The following ARFGAP1 variants were observed in gnomAD, a reference collection of about 807,000 sequenced individuals.
ARFGAP1 encodes the protein ADP-ribosylation factor GTPase-activating protein 1.
ARFGAP1 carries 26 observed loss-of-function variants against 54.0 expected under a neutral mutation model. That is an observed-to-expected ratio of 0.48 (90% CI 0.35 to 0.67). ARFGAP1 has a LOEUF of 0.67. ARFGAP1 is among the 30% of genes least tolerant of loss of function. ARFGAP1 has a pLI of 0.00. For synonymous variants in ARFGAP1, 248 were observed against 211.9 expected (o/e 1.17, Z -1.48); for missense variants, 525 against 535.8 (o/e 0.98, Z 0.20).
At position 63,275,566 on chromosome 20, in the gene ARFGAP1, C is replaced by G. The variant is rs1444602450; in HGVS notation, c.-4-11C>G. On this transcript the variant is annotated splice_polypyrimidine_tract_variant and intron_variant, in intron 1 of 12. Transcript: ENST00000370283. Reference sequence around the variant, plus strand: ...TTGTAAGTTTAAAGTGTTTATTTTTCTCCTTTGCAGCATCATGGCCAGCCC... The same window carrying G: ...TTGTAAGTTTAAAGTGTTTATTTTTGTCCTTTGCAGCATCATGGCCAGCCC... 4 of 1,613,462 alleles carry G rather than the reference C, an allele frequency of 2.5e-6. No homozygotes were observed. The highest frequency in any genetic ancestry group is 2.5e-6 in the Non-Finnish European group (3 of 1,179,742).
chr20:63,288,347 A>T lies in ARFGAP1; in HGVS notation c.*474A>T, dbSNP rs1049166895. ...GAAGAGAGTGACTGGAGTGGTAAAG[A>T]TGGAAATGCTGGAAATGATACTGGC... On this transcript the variant is annotated 3_prime_UTR_variant, in exon 13 of 13. Coordinates refer to ENST00000370283, the MANE Select transcript of ARFGAP1 (RefSeq NM_018209.4). The T allele has an allele frequency of 6.5e-6, 3 of 458,242 alleles. No individual in the cohort carries two copies. The East Asian group carries it at 2.1e-4, about 32-fold the overall frequency. 28.4% of individuals were successfully genotyped at this position (458,242 alleles called of 1,614,324 possible).
Position 63,279,968 on chromosome 20 carries a change from G to A in ARFGAP1, c.627+973G>A, listed in dbSNP as rs949657519. On this transcript the variant is annotated intron_variant, in intron 7 of 12. Transcript: ENST00000370283. The stretch of plus-strand genomic sequence containing the variant: ...AGCCTGGCCAATGTGGCGAAACCCC[G>A]TCTCTACTAAAAAAATATAAAAATT... 2.6e-5 allele frequency among the ~76,000 whole-genome samples: 4 copies of A among 152,092 alleles called. No homozygotes were observed. In the East Asian group the frequency reaches 5.8e-4, roughly 22 times the overall value.
At chr20:63,285,100 C>A (rs752757718) in intron 10 of ARFGAP1, among the ~76,000 whole-genome samples, 178 bp downstream of exon 10, 1 of 152,126 alleles carries the variant, frequency 6.6e-6, no homozygotes, top group East Asian at 1.9e-4. Flanking sequence ...TTGGACCCCC[C>A]AGCTGGTCCC....
intron 8 of ARFGAP1, among the ~76,000 whole-genome samples, chr20:63,281,887 G>T (rs1013100872): frequency 6.6e-6 from 1 of 152,142 alleles, no homozygotes; most frequent in Non-Finnish European, 1.5e-5. Context: ...CAGGAGAAGG[G>T]GAAGCCCAGA....
intron 8 of ARFGAP1, 145 bp from the exon 9 acceptor site, chr20:63,282,674 T>C: frequency 8.0e-6 from 6 of 750,902 alleles, no homozygotes; most frequent in Non-Finnish European, 1.4e-5. Flanking sequence ...TCTGGGCATC[T>C]CAGAGTTATA....
chr20:63,285,819 G>T, intron 11 of ARFGAP1, 106 bp downstream of exon 11: 1 of 1,516,558 alleles, frequency 6.6e-7, no homozygotes, highest in Non-Finnish European at 9.1e-7. Context: ...AGCCCAGCTT[G>T]GCAGTGGCCG....
chr20:63,282,795 C>G (rs773262145), intron 8 of ARFGAP1, 24 bp from the exon 9 acceptor site: 2 of 1,613,946 alleles, frequency 1.2e-6, no homozygotes, highest in East Asian at 2.2e-5. Context: ...GTCTGTCAAG[C>G]CTTGTCTTTG....
chr20:63,275,560 A>G lies in ARFGAP1; in HGVS notation c.-4-17A>G, dbSNP rs201706821. 450 of 1,612,914 alleles carry G rather than the reference A, an allele frequency of 2.8e-4. 2 individuals carry two copies. The highest frequency in any genetic ancestry group is 2.2e-4 in the Non-Finnish European group (262 of 1,179,484). ...GCCTGTTTGTAAGTTTAAAGTGTTT[A>G]TTTTTCTCCTTTGCAGCATCATGGC... On this transcript the variant is annotated splice_polypyrimidine_tract_variant and intron_variant, in intron 1 of 12. Transcript: ENST00000370283.
intron 9 of ARFGAP1, chr20:63,284,108 G>C (rs762679600): frequency 2.0e-5 from 27 of 1,327,758 alleles, no homozygotes; most frequent in African/African-American, 9.1e-5. Context: ...CGCTCCCCCC[G>C]GGCAAAAAAA....
intron 8 of ARFGAP1, among the ~76,000 whole-genome samples, chr20:63,281,589 A>G (rs922976788): frequency 2.6e-5 from 4 of 152,116 alleles, no homozygotes; most frequent in Non-Finnish European, 4.4e-5. Context: ...GCTGCTGGCA[A>G]AGGGGTCCCG....
rs773833708 is a variant in ARFGAP1 at position 63,287,658 on chromosome 20, G to A, written c.1006G>A (p.Glu336Lys). Residue 336 changes from glutamate (E) to lysine (K), a missense_variant, in exon 13 of 13, where the codon GAG (glutamate) becomes AAG (lysine). Physicochemically the swap from Glu to Lys is moderately conservative, Grantham distance 56. Around this residue, in one of 3 missense-constraint regions of ARFGAP1, gnomAD observed 466 missense variants for 453.6 expected, o/e 1.03. Coordinates refer to ENST00000370283, the MANE Select transcript of ARFGAP1 (RefSeq NM_018209.4). ...CTTCTGGGAGACCTTTGGAAGTGCT[G>A]AGCCCACCAAGACCCGCAAGTCCCC... ...QSFWETFGSA[E>K]PTKTRKSPSS... The A allele has an allele frequency of 6.2e-6, 10 of 1,612,600 alleles. No homozygotes were observed. In the South Asian group the frequency reaches 9.9e-5, roughly 16 times the overall value.
rs542930781 is a variant in ARFGAP1 at position 63,275,075 on chromosome 20, G to A, written c.-4-502G>A. ...ACACTCCAGGCAGCGGGGCACAGGCGGGAGCCTCCCTGCACTGCGTTGGGA... is the reference window on the plus strand; with the variant it reads ...ACACTCCAGGCAGCGGGGCACAGGCAGGAGCCTCCCTGCACTGCGTTGGGA... On this transcript the variant is annotated intron_variant, in intron 1 of 12. Transcript: ENST00000370283. Among the ~76,000 whole-genome samples, 10 of 152,334 alleles carry A rather than the reference G, an allele frequency of 6.6e-5. 1 individual carries two copies. The highest frequency in any genetic ancestry group is 2.0e-4 in the Admixed American group (3 of 15,306).
chr20:63,284,009 C>G, intron 9 of ARFGAP1: 4 of 1,504,472 alleles, frequency 2.7e-6, no homozygotes, highest in African/African-American at 1.4e-5. Context: ...AGACCCTCTC[C>G]CTGGCCTCGG....
chr20:63,287,993 C>T lies in ARFGAP1; in HGVS notation c.*120C>T, dbSNP rs1012455666. The T allele has an allele frequency of 1.6e-6, 2 of 1,217,754 alleles. No homozygotes were observed. The highest frequency in any genetic ancestry group is 3.1e-5 in the South Asian group (2 of 64,218). 75.4% of individuals were successfully genotyped at this position (1,217,754 alleles called of 1,614,324 possible). The stretch of plus-strand genomic sequence containing the variant: ...AGCAACTGCAGTGTGAGGACAGCGT[C>T]TCGGGAGGCAGGACCCTAGGGAGAC... On this transcript the variant is annotated 3_prime_UTR_variant, in exon 13 of 13. Coordinates refer to ENST00000370283, the MANE Select transcript of ARFGAP1 (RefSeq NM_018209.4).
intron 10 of ARFGAP1, 152 bp downstream of exon 10, chr20:63,285,074 G>C (rs940167054): frequency 5.2e-6 from 5 of 967,876 alleles, no homozygotes; most frequent in South Asian, 3.0e-5. Context: ...CGTCCTCCTC[G>C]GGGCCTGGGC....
At chr20:63,279,355 A>C in intron 7 of ARFGAP1, 1 of 381,170 alleles carries the variant, frequency 2.6e-6, no homozygotes, top group Non-Finnish European at 5.0e-6. Context: ...ATAGGCACCT[A>C]CTATCACGTC....
At chr20:63,278,243 G>A (rs751218118) in intron 6 of ARFGAP1, 40 bp downstream of exon 6, 5 of 1,602,380 alleles carry the variant, frequency 3.1e-6, no homozygotes, top group Non-Finnish European at 3.4e-6. Flanking sequence ...CGTGGGCCAG[G>A]CCCACAGGGT....
At chr20:63,287,488 G>C in intron 12 of ARFGAP1, 76 bp from the exon 13 acceptor site, 6 of 1,410,326 alleles carry the variant, frequency 4.3e-6, no homozygotes, top group Non-Finnish European at 5.7e-6. Context: ...CAGGTGCAGA[G>C]CTCTCGGGGG....
intron 8 of ARFGAP1, among the ~76,000 whole-genome samples, chr20:63,282,075 A>G (rs963066794): frequency 6.6e-6 from 1 of 151,390 alleles, no homozygotes; most frequent in African/African-American, 2.4e-5. Flanking sequence ...CCCTGTGGTC[A>G]CTCTGGCCCC....
Sources: allele counts gnomAD v4.1 joint callset (sites outside exome capture counted in the v4.1 genomes callset), GRCh38; gene constraint gnomAD v4.1.1; regional missense constraint gnomAD v4.1.1; transcripts MANE v1.5; gene names NCBI Gene and HGNC (gene_info 2026-07-23, HGNC 2026-07-21).